Variants in ARMC2 observed in about 807,000 individuals in gnomAD.
The protein encoded by ARMC2 is armadillo repeat-containing protein 2.
ARMC2 carries 67 observed loss-of-function variants against 90.3 expected under a neutral mutation model. The observed-to-expected ratio is 0.74, with a 90% CI of 0.61 to 0.91. The LOEUF (loss-of-function observed/expected upper bound fraction) is 0.91, where lower values mean the gene tolerates loss of function less well. ARMC2 is among the 40% of genes least tolerant of loss of function. ARMC2 has a pLI of 0.00. For missense variants in ARMC2, 920 were observed against 1,030.9 expected (o/e 0.89, Z 1.47); for synonymous variants, 393 against 393.0 (o/e 1.00, Z 0.00).
intron 11 of ARMC2, among the ~76,000 whole-genome samples, chr6:108,935,067 T>G (rs193034284): frequency 6.6e-6 from 1 of 152,332 alleles, no homozygotes; most frequent in Admixed American, 6.5e-5. Context: ...GAGCTGCAGT[T>G]GAAACCGTAT....
intron 3 of ARMC2, among the ~76,000 whole-genome samples, chr6:108,864,600 C>T (rs1379765356): frequency 6.6e-5 from 10 of 151,958 alleles, no homozygotes; most frequent in Admixed American, 3.3e-4. Flanking sequence ...TCTTTTGTTG[C>T]GTGTGTGTGT....
At chr6:108,903,613 T>C (rs1012332563) in intron 7 of ARMC2, among the ~76,000 whole-genome samples, 1 of 152,228 alleles carries the variant, frequency 6.6e-6, no homozygotes, top group Non-Finnish European at 1.5e-5. Flanking sequence ...CCATGTGCTA[T>C]TGATAGAAAG....
the ARMC2 span, among the ~76,000 whole-genome samples, chr6:108,981,434 C>T: frequency 3.3e-5 from 5 of 152,188 alleles, no homozygotes; most frequent in African/African-American, 1.2e-4. Context: ...ACTCTTTCAT[C>T]TTGTAAACTG....
At chr6:108,988,534 G>C in the ARMC2 span, 34 of 1,597,722 alleles carry the variant, frequency 2.1e-5, no homozygotes, top group Non-Finnish European at 2.9e-5. Flanking sequence ...AGCCACAATA[G>C]GCACATACCT....
chr6:108,889,637 G>A (rs1770746514), intron 5 of ARMC2, among the ~76,000 whole-genome samples: 1 of 151,468 alleles, frequency 6.6e-6, no homozygotes. Context: ...GGAAAGTCTT[G>A]CCATATTGCC....
chr6:109,001,412 T>C, the ARMC2 span: 1 of 1,613,764 alleles, frequency 6.2e-7, no homozygotes, highest in African/African-American at 1.3e-5. Context: ...CGTAATGTTA[T>C]CCAAACGGCC....
rs756987265 is a variant in ARMC2, at chr6:108,904,295, A to G, written c.913A>G (p.Met305Val). Residue 305 changes from methionine (M) to valine (V), a missense_variant, in exon 8 of 18, where the codon ATG becomes GTG. Coordinates refer to ENST00000392644, the MANE Select transcript of ARMC2 (RefSeq NM_032131.6). Reference sequence around the variant, plus strand: ...TCATCATGCTTTAGAGGAAGGAAACATGCTTGGAAATAAATTTAAGGGAAG... The same window carrying G: ...TCATCATGCTTTAGAGGAAGGAAACGTGCTTGGAAATAAATTTAAGGGAAG... ...QLHHALEEGNMLGNKFKGRSI... is the reference protein window; with the variant it reads ...QLHHALEEGNVLGNKFKGRSI... 2.5e-6 allele frequency: 4 copies of G among 1,613,946 alleles called. No individual in the cohort carries two copies. Among genetic ancestry groups the G allele is most frequent in the South Asian group, 1.1e-5 (1 of 91,082 alleles).
At chr6:108,870,632 A>G (rs1776306543) in intron 4 of ARMC2, among the ~76,000 whole-genome samples, 1 of 152,004 alleles carries the variant, frequency 6.6e-6, no homozygotes, top group East Asian at 1.9e-4. Flanking sequence ...GGGAGGGAGG[A>G]AGGAAGGAAG....
chr6:108,858,696 T>TA (rs1466796655), intron 3 of ARMC2, among the ~76,000 whole-genome samples: 2 of 151,746 alleles, frequency 1.3e-5, no homozygotes, highest in Non-Finnish European at 2.9e-5. Flanking sequence ...TACATATAAA[T>TA]ATATGTATTC....
intron 5 of ARMC2, among the ~76,000 whole-genome samples, chr6:108,885,306 C>A (rs1777978694): frequency 6.6e-6 from 1 of 151,960 alleles, no homozygotes; most frequent in African/African-American, 2.4e-5. Flanking sequence ...GGAGGACTTT[C>A]TTAAAATTTT....
intron 10 of ARMC2, among the ~76,000 whole-genome samples, chr6:108,927,094 A>G (rs961787783): frequency 3.9e-4 from 59 of 152,186 alleles, no homozygotes; most frequent in African/African-American, 1.4e-3. Context: ...GATGCTTTAC[A>G]GTATTAGATA....
chr6:109,016,837 A>G, the ARMC2 span, among the ~76,000 whole-genome samples: 2 of 152,302 alleles, frequency 1.3e-5, no homozygotes, highest in South Asian at 4.1e-4. Flanking sequence ...GCTTGTAGTA[A>G]TAGAGAATAT....
At chr6:109,042,519 G>A in the ARMC2 span, among the ~76,000 whole-genome samples, 2 of 147,156 alleles carry the variant, frequency 1.4e-5, no homozygotes, top group Admixed American at 6.7e-5. Flanking sequence ...GAATGAAACA[G>A]AGGATTATTG....
At chr6:108,905,995 G>A (rs1008364580) in intron 8 of ARMC2, among the ~76,000 whole-genome samples, 3 of 152,112 alleles carry the variant, frequency 2.0e-5, no homozygotes, top group African/African-American at 7.2e-5. Context: ...AATGTTAAAA[G>A]ACTACATCAT....
intron 1 of ARMC2, among the ~76,000 whole-genome samples, chr6:108,853,151 C>T (rs773724516): frequency 6.6e-6 from 1 of 152,252 alleles, no homozygotes; most frequent in Non-Finnish European, 1.5e-5. Context: ...TTTAACTCAA[C>T]ACCTGGCATT....
the ARMC2 span, among the ~76,000 whole-genome samples, chr6:109,040,713 C>T: frequency 2.7e-5 from 4 of 149,922 alleles, no homozygotes; most frequent in Non-Finnish European, 5.9e-5. Flanking sequence ...AGTGCAGTGG[C>T]GCAATCTCAT....
At position 108,868,833 on chromosome 6, in the gene ARMC2, GT is replaced by G; in HGVS notation, c.303del (p.Pro102GlnfsTer27). 1 of 1,610,396 alleles carries G rather than the reference GT, an allele frequency of 6.2e-7. No individual in the cohort carries two copies. The highest frequency in any genetic ancestry group is 8.5e-7 in the Non-Finnish European group (1 of 1,178,892). On this transcript the variant is annotated frameshift_variant, in exon 4 of 18. Transcript: ENST00000392644. LOFTEE classifies it high-confidence loss of function. ...RLSPLELKPK[V>X]PASPTREEDS... is the part of the protein sequence containing the mutation. ...AAAAATCTCTTTCCAGAAACCGAAAGTTCCAGCATCTCCCACCAGAGAGGAG... is the reference window on the plus strand; with the variant it reads ...AAAAATCTCTTTCCAGAAACCGAAAGTCCAGCATCTCCCACCAGAGAGGAG...
chr6:108,931,417 A>C (rs1261172378), intron 11 of ARMC2, among the ~76,000 whole-genome samples: 2 of 151,720 alleles, frequency 1.3e-5, no homozygotes, highest in African/African-American at 4.9e-5. Flanking sequence ...AGAATGATTT[A>C]TTTTCCTCTG....
At chr6:109,040,657 C>CTTT in the ARMC2 span, among the ~76,000 whole-genome samples, 71 of 142,136 alleles carry the variant, frequency 5.0e-4, 2 homozygotes, top group Middle Eastern at 0.011. Flanking sequence ...CTAGCATAAT[C>CTTT]TTTTTTTTTT....
Sources: allele counts gnomAD v4.1 joint callset (sites outside exome capture counted in the v4.1 genomes callset), GRCh38; gene constraint gnomAD v4.1.1; transcripts MANE v1.5; gene names NCBI Gene and HGNC (gene_info 2026-07-23, HGNC 2026-07-21).